The following ZNF625 variants were observed in gnomAD, a reference collection of about 807,000 sequenced individuals.
The protein encoded by ZNF625 is zinc finger protein 625.
Under a neutral mutation model 11.1 loss-of-function variants are expected in ZNF625, and 8 were observed. That is an observed-to-expected ratio of 0.72 (90% CI 0.42 to 1.30). The LOEUF (loss-of-function observed/expected upper bound fraction) is 1.30. Ranked by LOEUF, ZNF625 falls within the 50% of genes most tolerant of loss-of-function variation. The pLI is 0.01. For missense variants in ZNF625, 349 were observed against 447.6 expected, an observed-to-expected ratio of 0.78 and a Z score of 1.99; for synonymous variants, 145 against 153.4, an observed-to-expected ratio of 0.95 and a Z score of 0.41.
intron 2 of ZNF625, 32 bp from the exon 3 acceptor site, chr19:12,147,487 A>T (rs1388047480): frequency 1.3e-6 from 2 of 1,512,486 alleles, no homozygotes; most frequent in Non-Finnish European, 1.8e-6. Context: ...ATAGTCCTGA[A>T]TTAGCAAAAT....
At chr19:12,150,580 A>G (rs959189760) in intron 1 of ZNF625, among the ~76,000 whole-genome samples, 2 of 152,166 alleles carry the variant, frequency 1.3e-5, no homozygotes, top group East Asian at 1.9e-4. Flanking sequence ...GTTGAGGTCA[A>G]TCTCTCTCCC....
At chr19:12,153,771 A>G (rs1976990328) in intron 1 of ZNF625, among the ~76,000 whole-genome samples, 1 of 151,078 alleles carries the variant, frequency 6.6e-6, no homozygotes, top group African/African-American at 2.4e-5. Context: ...GCAGAAATAC[A>G]AAAAGGCAAA....
chr19:12,148,267 A>T lies in ZNF625; in HGVS notation c.4-465T>A, dbSNP rs575945143. Among the ~76,000 whole-genome samples, 3 of 152,334 alleles carry T rather than the reference A, an allele frequency of 2.0e-5. No individual in the cohort carries two copies. The South Asian group carries it at 6.2e-4, about 32-fold the overall frequency. Reference sequence around the variant, plus strand: ...AGTGCTGGGATTACAGGCATGAGCCACCAAGCCTGGCTGAGGCCCTACCAA... The same window carrying T: ...AGTGCTGGGATTACAGGCATGAGCCTCCAAGCCTGGCTGAGGCCCTACCAA... On this transcript the variant is annotated intron_variant, in intron 1 of 3. Coordinates refer to ENST00000439556, the MANE Select transcript of ZNF625 (RefSeq NM_145233.4).
Position 12,145,269 on chromosome 19 carries a change from T to C in ZNF625, c.*28A>G. 6.4e-7 allele frequency: 1 copy of C among 1,552,706 alleles called. No individual in the cohort carries two copies. Among genetic ancestry groups the C allele is most frequent in the Non-Finnish European group, 8.7e-7 (1 of 1,150,504 alleles). ...AAACACATTTTTACCATGATTGGAT[T>C]CGGTGGCTTCTAGGAATCTTATGTG... On this transcript the variant is annotated 3_prime_UTR_variant, in exon 4 of 4. Coordinates refer to ENST00000439556, the MANE Select transcript of ZNF625 (RefSeq NM_145233.4).
In ZNF625 at chr19:12,146,168, AT is replaced by A; in HGVS notation, c.247del (p.Ile83PhefsTer2). On this transcript the variant is annotated frameshift_variant, in exon 4 of 4. Coordinates refer to ENST00000439556, the MANE Select transcript of ZNF625 (RefSeq NM_145233.4). LOFTEE classifies it low-confidence loss of function (END_TRUNC). The stretch of plus-strand genomic sequence containing the variant: ...CATGTCATCTGGAACCTGGGTCAAA[AT>A]TTCTCCATGCTGATGATCTTTCTTA... The part of the protein sequence containing the change: ...ESKKDHQHGE[I>X]LTQVPDDMLK... 6.2e-7 allele frequency: 1 copy of A among 1,614,096 alleles called. No individual in the cohort carries two copies. Among genetic ancestry groups the A allele is most frequent in the Non-Finnish European group, 8.5e-7 (1 of 1,180,018 alleles).
intron 1 of ZNF625, among the ~76,000 whole-genome samples, chr19:12,154,651 C>T (rs559967339): frequency 1.3e-5 from 2 of 152,254 alleles, no homozygotes; most frequent in East Asian, 3.9e-4. Context: ...CCAAACAAGG[C>T]GACTACATCA....
At position 12,145,982 on chromosome 19, in the gene ZNF625, C is replaced by A; in HGVS notation, c.434G>T (p.Ser145Ile). Reference sequence around the variant, plus strand: ...ATGTGTTCGAAAGTAGGGGAGATCACTGAAGGCTTTCTTACAGTATGTACA... The same window carrying A: ...ATGTGTTCGAAAGTAGGGGAGATCAATGAAGGCTTTCTTACAGTATGTACA... The part of the protein sequence containing the change: ...YKCTYCKKAF[S>I]DLPYFRTHEW... The change falls in exon 4 of 4, where the codon AGT becomes ATT. Residue 145 changes from serine to isoleucine, a missense_variant. Coordinates refer to ENST00000439556, the MANE Select transcript of ZNF625 (RefSeq NM_145233.4). 1 of 1,614,208 alleles carries A rather than the reference C, an allele frequency of 6.2e-7. No individual in the cohort carries two copies. Among genetic ancestry groups the A allele is most frequent in the Non-Finnish European group, 8.5e-7 (1 of 1,180,040 alleles).
chr19:12,147,447 A>AT lies in ZNF625; in HGVS notation c.138dup (p.Trp47MetfsTer7). Reference sequence around the variant, plus strand: ...TCATCTTCAATTTTCTGATCTTTCCATTTTTTTCCTAAAATACAGAACCAG... The same window carrying AT: ...TCATCTTCAATTTTCTGATCTTTCCATTTTTTTTCCTAAAATACAGAACCAG... On this transcript the variant is annotated frameshift_variant, in exon 3 of 4. Coordinates refer to ENST00000439556, the MANE Select transcript of ZNF625 (RefSeq NM_145233.4). LOFTEE classifies it high-confidence loss of function. The AT allele has an allele frequency of 5.2e-6, 8 of 1,530,876 alleles. No individual in the cohort carries two copies. Among genetic ancestry groups the AT allele is most frequent in the Admixed American group, 2.1e-5 (1 of 46,566 alleles). The allele number at this position is 1,530,876 out of a possible 1,614,324, so 94.8% of individuals were successfully genotyped here.
intron 1 of ZNF625, among the ~76,000 whole-genome samples, chr19:12,153,455 C>T (rs1039642378): frequency 2.0e-5 from 3 of 151,144 alleles, no homozygotes; most frequent in Non-Finnish European, 2.9e-5. Context: ...GAAGCCAAGG[C>T]GGGTGGATCA....
intron 1 of ZNF625, among the ~76,000 whole-genome samples, chr19:12,151,070 A>T (rs1340598437): frequency 1.3e-5 from 2 of 151,266 alleles, no homozygotes; most frequent in African/African-American, 4.9e-5. Flanking sequence ...CCATTTGGTG[A>T]ATACTCTTTG....
chr19:12,155,223 CAA>C (rs56868873), intron 1 of ZNF625, among the ~76,000 whole-genome samples: 4 of 112,964 alleles, frequency 3.5e-5, no homozygotes, highest in Non-Finnish European at 3.9e-5. Context: ...GGCTCCATCT[CAA>C]AAAAAAAAAA....
At chr19:12,156,442 C>CT in intron 1 of ZNF625, 114 bp downstream of exon 1, 1 of 873,288 alleles carries the variant, frequency 1.1e-6, no homozygotes, top group Non-Finnish European at 1.5e-6. Flanking sequence ...CAGGGGGACT[C>CT]CGCTCTGCAG....
At position 12,145,685 on chromosome 19, in the gene ZNF625, T is replaced by A; in HGVS notation, c.731A>T (p.Glu244Val). Residue 244 changes from glutamate to valine, a missense_variant, in exon 4 of 4, where the codon GAG becomes GTG. By Grantham distance (121) the Glu-to-Val change is moderately radical. Transcript: ENST00000439556. Reference sequence around the variant, plus strand: ...ACACTCACTGCATTCATAAGGCTTCTCTCCAGTGTGAGTTCTTTCATGTAT... The same window carrying A: ...ACACTCACTGCATTCATAAGGCTTCACTCCAGTGTGAGTTCTTTCATGTAT... ...LRIHERTHTG[E>V]KPYECSECGK... 6.2e-7 allele frequency: 1 copy of A among 1,614,186 alleles called. No individual in the cohort carries two copies. Among genetic ancestry groups the A allele is most frequent in the East Asian group, 2.2e-5 (1 of 44,882 alleles).
intron 1 of ZNF625, among the ~76,000 whole-genome samples, chr19:12,150,095 A>G (rs903269728): frequency 6.6e-6 from 1 of 152,234 alleles, no homozygotes; most frequent in Admixed American, 6.5e-5. Context: ...CTTTCCTCTC[A>G]TGAAAAGTAT....
intron 1 of ZNF625, among the ~76,000 whole-genome samples, chr19:12,148,187 C>T (rs984808394): frequency 1.3e-5 from 2 of 152,114 alleles, no homozygotes; most frequent in African/African-American, 4.8e-5. Context: ...ACCATGTTGG[C>T]CAGACTGGTC....
intron 1 of ZNF625, among the ~76,000 whole-genome samples, chr19:12,153,805 CTTTT>C (rs912782968): frequency 8.8e-6 from 1 of 113,600 alleles, no homozygotes. Flanking sequence ...TTTTATATTT[CTTTT>C]TTTTTTTTTT....
At chr19:12,147,355 G>A (rs1049161691) in intron 3 of ZNF625, 40 bp downstream of exon 3, 11 of 1,397,640 alleles carry the variant, frequency 7.9e-6, no homozygotes, top group Admixed American at 6.5e-5. Flanking sequence ...TTCTATGATT[G>A]TCTAGAGAGA....
chr19:12,149,283 CAAA>C (rs747461916), intron 1 of ZNF625, among the ~76,000 whole-genome samples: 5 of 64,430 alleles, frequency 7.8e-5, no homozygotes, highest in African/African-American at 2.4e-4. Context: ...GACTCAGTCT[CAAA>C]AAAAAAAAAA....
chr19:12,150,658 G>A (rs1241181511), intron 1 of ZNF625, among the ~76,000 whole-genome samples: 5 of 152,130 alleles, frequency 3.3e-5, no homozygotes, highest in Non-Finnish European at 7.3e-5. Flanking sequence ...TTTTTAACAC[G>A]ATTTCAGTAC....
Sources: allele counts gnomAD v4.1 joint callset (sites outside exome capture counted in the v4.1 genomes callset), GRCh38; gene constraint gnomAD v4.1.1; transcripts MANE v1.5; gene names NCBI Gene and HGNC (gene_info 2026-07-23, HGNC 2026-07-21).